GLIS3: variants seen among roughly 807,000 people sequenced by gnomAD.
GLIS3 encodes GLIS family zinc finger 3.
In GLIS3, 53 loss-of-function variants were observed where a neutral mutation model predicts 78.6. That is an observed-to-expected ratio of 0.67 (90% confidence interval 0.54 to 0.85). The LOEUF is 0.85. GLIS3 is among the 40% of genes least tolerant of loss of function. The pLI, the probability that GLIS3 is intolerant of heterozygous loss-of-function variation, is 0.00. For synonymous variants in GLIS3, 684 were observed against 509.9 expected, an observed-to-expected ratio of 1.34 and a Z score of -4.60; for missense variants, 1,703 against 1,231.1, an observed-to-expected ratio of 1.38 and a Z score of -5.74.
intron 2 of GLIS3, among the ~76,000 whole-genome samples, chr9:4,177,635 T>A (rs959217290): frequency 6.6e-6 from 1 of 152,314 alleles, no homozygotes; most frequent in East Asian, 1.9e-4. Flanking sequence ...TTAGCTTCTA[T>A]GAAACCAACC....
At chr9:4,466,975 G>C in the GLIS3 span, among the ~76,000 whole-genome samples, 1 of 152,238 alleles carries the variant, frequency 6.6e-6, no homozygotes. Flanking sequence ...TGGCACACCA[G>C]AAGATTATAT....
At chr9:4,375,164 A>C in the GLIS3 span, among the ~76,000 whole-genome samples, 3 of 152,200 alleles carry the variant, frequency 2.0e-5, no homozygotes, top group Admixed American at 6.5e-5. Context: ...GAATTCTTTC[A>C]GGAGTGCTGA....
In GLIS3 at chr9:4,173,941, C is replaced by T. The variant is rs552535836; in HGVS notation, c.389-48000G>A. On this transcript the variant is annotated intron_variant, in intron 2 of 10. Transcript: ENST00000381971. ...ACACACACACACACACACGCACGCA[C>T]GCACACACGCATTTCTATATAGAAA... is the stretch of plus-strand genomic sequence containing the variant. Among the ~76,000 whole-genome samples the T allele has an allele frequency of 5.4e-3, 764 of 142,072 alleles. 5 individuals are homozygous for T. The highest frequency in any genetic ancestry group is 0.022 in the African/African-American group (716 of 32,036). The allele number at this position is 142,072 out of a possible 152,430, so 93.2% of individuals were successfully genotyped here. A position where few individuals can be genotyped will look rare whatever the true frequency, so the allele number is the denominator to read the frequency against.
chr9:4,059,716 T>C (rs1005271083), intron 4 of GLIS3, among the ~76,000 whole-genome samples: 1 of 152,050 alleles, frequency 6.6e-6, no homozygotes. Flanking sequence ...CAATGATAGA[T>C]TCCTCCTCTT....
intron 1 of GLIS3, among the ~76,000 whole-genome samples, chr9:4,290,813 T>C (rs1022669583): frequency 1.3e-5 from 2 of 152,172 alleles, no homozygotes; most frequent in African/African-American, 2.4e-5. Context: ...TCTGCAATTT[T>C]AACCAGAGGA....
At chr9:4,349,677 A>G (rs970645118), upstream of GLIS3, among the ~76,000 whole-genome samples, 2 of 152,238 alleles carry the variant, frequency 1.3e-5, no homozygotes, top group Non-Finnish European at 2.9e-5. Flanking sequence ...AAGAGGACAC[A>G]CAGAGCATCA....
At chr9:4,179,602 G>C (rs531441449) in intron 2 of GLIS3, among the ~76,000 whole-genome samples, 7 of 152,242 alleles carry the variant, frequency 4.6e-5, no homozygotes, top group Non-Finnish European at 8.8e-5. Flanking sequence ...AGCCTTTAAA[G>C]ATCATCGTTT....
chr9:4,061,884 A>C (rs1826684908), intron 4 of GLIS3, among the ~76,000 whole-genome samples: 1 of 152,224 alleles, frequency 6.6e-6, no homozygotes, highest in Non-Finnish European at 1.5e-5. Flanking sequence ...CTGGTTTATC[A>C]GTGTTCAGGG....
rs565791710 is a variant in GLIS3, at chr9:3,884,030, T to TATA, written c.2129-4438_2129-4436dup. On this transcript the variant is annotated intron_variant, in intron 7 of 10. Coordinates refer to ENST00000381971, the MANE Select transcript of GLIS3 (RefSeq NM_001042413.2). Reference sequence around the variant, plus strand: ...AGGTGGAGGTAACTCAGTTGAGCTTTATAATTTTAACAAAGCAGCATCTGT... The same window carrying TATA: ...AGGTGGAGGTAACTCAGTTGAGCTTTATAATAATTTTAACAAAGCAGCATCTGT... 7.2e-3 allele frequency among the ~76,000 whole-genome samples: 1,102 copies of TATA among 152,322 alleles called. 7 individuals carry two copies. Among genetic ancestry groups the TATA allele is most frequent in the Non-Finnish European group, 0.011 (767 of 68,028 alleles).
chr9:4,181,725 G>C (rs1048276040), intron 2 of GLIS3, among the ~76,000 whole-genome samples: 1 of 152,200 alleles, frequency 6.6e-6, no homozygotes, highest in African/African-American at 2.4e-5. Flanking sequence ...CAGAGGAAGG[G>C]ACTTGAAAAA....
rs140669794 is a variant in GLIS3 at position 4,073,745 on chromosome 9, G to A, written c.1710+44023C>T. 3.2e-3 allele frequency among the ~76,000 whole-genome samples: 494 copies of A among 152,254 alleles called. 3 individuals are homozygous for A. The highest frequency in any genetic ancestry group is 4.8e-3 in the Non-Finnish European group (325 of 68,012). On this transcript the variant is annotated intron_variant, in intron 4 of 10. Coordinates refer to ENST00000381971, the MANE Select transcript of GLIS3 (RefSeq NM_001042413.2). ...TTGCTCCCCCAATAGCTTAGCTTCT[G>A]CCTCAGTTTCTTCATCTCTCATATG...
At chr9:4,177,302 T>A (rs1295664609) in intron 2 of GLIS3, among the ~76,000 whole-genome samples, 1 of 152,232 alleles carries the variant, frequency 6.6e-6, no homozygotes, top group Non-Finnish European at 1.5e-5. Context: ...TCAAATTATC[T>A]TTTTGTAAGG....
chr9:4,373,480 TG>T, the GLIS3 span, among the ~76,000 whole-genome samples: 2 of 152,106 alleles, frequency 1.3e-5, no homozygotes, highest in Admixed American at 6.6e-5. Flanking sequence ...CAAACTGCTC[TG>T]GGGGGAAAAA....
chr9:4,211,126 A>G (rs904680979), intron 2 of GLIS3, among the ~76,000 whole-genome samples: 1 of 152,220 alleles, frequency 6.6e-6, no homozygotes. Context: ...ACCAGCATCT[A>G]GCTCCATCCT....
In GLIS3 at chr9:4,150,741, G is replaced by A. The variant is rs116552706; in HGVS notation, c.389-24800C>T. 2.8e-3 allele frequency among the ~76,000 whole-genome samples: 423 copies of A among 152,274 alleles called. 3 individuals carry two copies. The highest frequency in any genetic ancestry group is 9.7e-3 in the African/African-American group (401 of 41,542). On this transcript the variant is annotated intron_variant, in intron 2 of 10. Transcript: ENST00000381971. ...CAAGAAGGAAGATTAGAAATCATGTGTCCAACCTCCTTATTTTATAAATTG... is the reference window on the plus strand; with the variant it reads ...CAAGAAGGAAGATTAGAAATCATGTATCCAACCTCCTTATTTTATAAATTG...
intron 4 of GLIS3, among the ~76,000 whole-genome samples, chr9:4,042,097 G>A (rs747697119): frequency 2.0e-5 from 3 of 152,070 alleles, no homozygotes; most frequent in Admixed American, 6.5e-5. Flanking sequence ...TGAATAGAAC[G>A]CACGTTAATC....
At chr9:4,474,990 TTTTTC>T in the GLIS3 span, among the ~76,000 whole-genome samples, 42 of 97,220 alleles carry the variant, frequency 4.3e-4, 1 homozygote, top group African/African-American at 1.4e-3. Flanking sequence ...TGTTAATTTT[TTTTTC>T]TTTTTTTTTT....
chr9:4,337,940 G>C (rs1817776448), intron 2 of GLIS3, among the ~76,000 whole-genome samples: 1 of 152,012 alleles, frequency 6.6e-6, no homozygotes, highest in South Asian at 2.1e-4. Flanking sequence ...CAGCTTATGT[G>C]ACCAAGCAGG....
chr9:3,942,620 T>A (rs1021318683), intron 4 of GLIS3, among the ~76,000 whole-genome samples: 1 of 152,202 alleles, frequency 6.6e-6, no homozygotes, highest in Non-Finnish European at 1.5e-5. Context: ...ATTTGATGCA[T>A]GAATTCAGCT....
Sources: allele counts gnomAD v4.1 joint callset (sites outside exome capture counted in the v4.1 genomes callset), GRCh38; gene constraint gnomAD v4.1.1; transcripts MANE v1.5; gene names NCBI Gene and HGNC (gene_info 2026-07-23, HGNC 2026-07-21).